Variants in COG5 observed in about 807,000 individuals in gnomAD.
COG5 encodes component of oligomeric golgi complex 5.
A neutral mutation model predicts 110.4 loss-of-function variants in COG5; 86 were observed. That is an observed-to-expected ratio of 0.78 (90% CI 0.65 to 0.93). The LOEUF is 0.93. COG5 is among the 40% of genes least tolerant of loss of function. The probability of loss-of-function intolerance (pLI) is 0.00; values close to 1 mark genes in which losing one functional copy is unlikely to be tolerated. For synonymous variants in COG5, 360 were observed against 334.6 expected, an observed-to-expected ratio of 1.08 and a Z score of -0.83; for missense variants, 1,077 against 987.0, an observed-to-expected ratio of 1.09 and a Z score of -1.22.
chr7:107,540,307 T>A (rs965925673), intron 5 of COG5, among the ~76,000 whole-genome samples: 8 of 152,040 alleles, frequency 5.3e-5, no homozygotes, highest in Non-Finnish European at 1.0e-4. Flanking sequence ...TAATGGTGGC[T>A]CATGCCTGCA....
At chr7:107,417,563 A>G (rs541352416) in intron 6 of COG5, among the ~76,000 whole-genome samples, 3 of 152,142 alleles carry the variant, frequency 2.0e-5, no homozygotes, top group Non-Finnish European at 4.4e-5. Flanking sequence ...CTTGGGAGAG[A>G]ATCAAAGACA....
At chr7:107,295,016 CATAT>C (rs201447896) in intron 12 of COG5, among the ~76,000 whole-genome samples, 1 of 113,824 alleles carries the variant, frequency 8.8e-6, no homozygotes, top group Non-Finnish European at 1.8e-5. Context: ...TATATACACA[CATAT>C]ATATATACAC....
chr7:107,329,714 A>ACC (rs368657935), intron 10 of COG5, among the ~76,000 whole-genome samples: 60 of 149,272 alleles, frequency 4.0e-4, no homozygotes, highest in East Asian at 2.0e-3. Context: ...CAACAGCGAG[A>ACC]CCCCCCCCGT....
At position 107,563,854 on chromosome 7, in the gene COG5, C is replaced by G. The variant is rs142899344; in HGVS notation, c.43G>C (p.Ala15Pro). ...GCTGCAGCCGCTCCAGAGCCTCGAG[C>G]TCCGAGGCCAGCTACAGCGACGCTG... ...GGSVAVAGLG[A>P]RGSGAAAATV... Residue 15 changes from alanine to proline, a missense_variant, in exon 1 of 22, where the codon GCT becomes CCT. Coordinates refer to ENST00000297135, the MANE Select transcript of COG5 (RefSeq NM_006348.5). 5 of 1,613,596 alleles carry G rather than the reference C, an allele frequency of 3.1e-6. No homozygotes were observed. In the African/African-American group the frequency reaches 6.7e-5, roughly 22 times the overall value.
At chr7:107,512,915 T>TA (rs1799635334) in intron 6 of COG5, among the ~76,000 whole-genome samples, 1 of 152,028 alleles carries the variant, frequency 6.6e-6, no homozygotes, top group South Asian at 2.1e-4. Flanking sequence ...ATTAAAGACT[T>TA]ACATGTTAGA....
At chr7:107,204,016 A>G (rs941089770) in intron 21 of COG5, among the ~76,000 whole-genome samples, 8 of 152,242 alleles carry the variant, frequency 5.3e-5, no homozygotes, top group African/African-American at 1.9e-4. Context: ...CGCCTCTGAA[A>G]GGCACGCTCA....
chr7:107,429,684 C>G (rs138369956), intron 6 of COG5, among the ~76,000 whole-genome samples: 12 of 152,190 alleles, frequency 7.9e-5, no homozygotes, highest in African/African-American at 2.9e-4. Context: ...GTGAGAGGGA[C>G]CTGGTGGGAG....
rs866631962 is a variant in COG5 at position 107,326,885 on chromosome 7, C to G, written c.1027-2364G>C. The stretch of plus-strand genomic sequence containing the variant: ...GGCCTCAGACTTCCTGACTTCAAGA[C>G]ATATTACAGAGCCAGGTGCAGTGGA... On this transcript the variant is annotated intron_variant, in intron 10 of 21. Coordinates refer to ENST00000297135, the MANE Select transcript of COG5 (RefSeq NM_006348.5). 2.6e-5 allele frequency among the ~76,000 whole-genome samples: 4 copies of G among 152,208 alleles called. No homozygotes were observed. The South Asian group carries it at 6.2e-4, about 24-fold the overall frequency.
chr7:107,398,406 T>C (rs1219651222), intron 7 of COG5, among the ~76,000 whole-genome samples: 1 of 152,206 alleles, frequency 6.6e-6, no homozygotes, highest in Non-Finnish European at 1.5e-5. Flanking sequence ...GTGAGCATTA[T>C]AACCTGAGCT....
At chr7:107,207,270 A>G (rs368720940) in intron 21 of COG5, among the ~76,000 whole-genome samples, 5 of 152,304 alleles carry the variant, frequency 3.3e-5, no homozygotes, top group South Asian at 2.1e-4. Context: ...AGCTAGTGAC[A>G]TGGTACCAGG....
At chr7:107,332,965 G>T (rs1019040736) in intron 10 of COG5, among the ~76,000 whole-genome samples, 2 of 152,172 alleles carry the variant, frequency 1.3e-5, no homozygotes, top group African/African-American at 4.8e-5. Context: ...GCAAAAGGGG[G>T]AGGTAAGGAT....
intron 6 of COG5, among the ~76,000 whole-genome samples, chr7:107,507,604 C>A (rs1799125760): frequency 6.6e-6 from 1 of 151,838 alleles, no homozygotes. Flanking sequence ...CCACACCCGG[C>A]CGAAATAAAA....
chr7:107,369,470 T>C (rs1223589196), intron 8 of COG5, among the ~76,000 whole-genome samples: 1 of 144,100 alleles, frequency 6.9e-6, no homozygotes. Context: ...CACTGCAACC[T>C]CTCCCTCCCA....
intron 6 of COG5, among the ~76,000 whole-genome samples, chr7:107,453,049 A>C (rs542832407): frequency 2.0e-5 from 3 of 152,320 alleles, no homozygotes; most frequent in African/African-American, 7.2e-5. Context: ...ATCTTTTACT[A>C]AACTACAAAT....
intron 6 of COG5, among the ~76,000 whole-genome samples, chr7:107,503,340 T>C (rs1798755567): frequency 6.6e-6 from 1 of 152,188 alleles, no homozygotes; most frequent in African/African-American, 2.4e-5. Flanking sequence ...TTCTCTATTC[T>C]GTTTCATTGG....
At chr7:107,293,250 A>T (rs1022471549) in intron 12 of COG5, among the ~76,000 whole-genome samples, 1 of 152,146 alleles carries the variant, frequency 6.6e-6, no homozygotes, top group Non-Finnish European at 1.5e-5. Context: ...ATTGGGCACA[A>T]TATGGGAGCT....
chr7:107,412,095 A>G (rs1257521244), intron 7 of COG5, among the ~76,000 whole-genome samples: 1 of 152,114 alleles, frequency 6.6e-6, no homozygotes, highest in Non-Finnish European at 1.5e-5. Context: ...TTTACTAGCT[A>G]TGTGATTTTC....
At chr7:107,401,950 T>A (rs1230216965) in intron 7 of COG5, among the ~76,000 whole-genome samples, 1 of 152,190 alleles carries the variant, frequency 6.6e-6, no homozygotes, top group Non-Finnish European at 1.5e-5. Context: ...AATGCTTAAC[T>A]TCCATAGAGC....
At chr7:107,288,906 AG>A (rs1805885697) in intron 12 of COG5, among the ~76,000 whole-genome samples, 1 of 67,176 alleles carries the variant, frequency 1.5e-5, no homozygotes, top group South Asian at 5.1e-4. Flanking sequence ...TTTCTAACAG[AG>A]ATATATATAT....
Sources: gnomAD v4.1 joint callset for allele counts (sites outside exome capture counted in the v4.1 genomes callset) on GRCh38, gnomAD v4.1.1 for gene constraint, MANE v1.5 for transcripts, NCBI Gene and HGNC (gene_info 2026-07-23, HGNC 2026-07-21) for gene names.